Variants in OXR1 observed in about 807,000 individuals in gnomAD.
OXR1 encodes the protein oxidation resistance protein 1.
A neutral mutation model predicts 104.6 loss-of-function variants in OXR1; 41 were observed. That is an observed-to-expected ratio of 0.39 (90% CI 0.31 to 0.51). The LOEUF (loss-of-function observed/expected upper bound fraction) is 0.51, where lower values mean the gene tolerates loss of function less well. OXR1 is among the 20% of genes least tolerant of loss of function. The probability of loss-of-function intolerance (pLI) is 0.77; values close to 1 mark genes in which losing one functional copy is unlikely to be tolerated. For synonymous variants in OXR1, 348 were observed against 348.4 expected (o/e 1.00, Z 0.01); for missense variants, 955 against 1,031.9 (o/e 0.93, Z 1.02).
intron 11 of OXR1, among the ~76,000 whole-genome samples, chr8:106,718,637 A>G (rs1832506146): frequency 1.3e-5 from 2 of 151,936 alleles, no homozygotes; most frequent in Admixed American, 1.3e-4. Context: ...CAGGAGATCG[A>G]GACCATCCTG....
At chr8:106,709,221 T>C (rs1029900423) in intron 9 of OXR1, among the ~76,000 whole-genome samples, 1 of 152,192 alleles carries the variant, frequency 6.6e-6, no homozygotes, top group African/African-American at 2.4e-5. Context: ...TATGTGTTAA[T>C]TTGTTATTTA....
At chr8:106,561,131 T>C (rs1376367216) in intron 3 of OXR1, among the ~76,000 whole-genome samples, 2 of 151,716 alleles carry the variant, frequency 1.3e-5, no homozygotes, top group South Asian at 2.1e-4. Context: ...TTTTCATACC[T>C]CAGAGGCGCC....
At chr8:106,671,594 T>C (rs1424002068) in intron 3 of OXR1, among the ~76,000 whole-genome samples, 1 of 151,746 alleles carries the variant, frequency 6.6e-6, no homozygotes, top group Non-Finnish European at 1.5e-5. Flanking sequence ...ATAGACTGGA[T>C]TAAGAAAATG....
chr8:106,295,710 G>A (rs115323485), intron 1 of OXR1, among the ~76,000 whole-genome samples: 1,862 of 152,120 alleles, frequency 0.012, 39 homozygotes, highest in African/African-American at 0.042. Context: ...GTGAAGCTAC[G>A]GTGTTTTCCA....
intron 3 of OXR1, among the ~76,000 whole-genome samples, chr8:106,642,164 C>T (rs1377064139): frequency 6.6e-6 from 1 of 152,054 alleles, no homozygotes; most frequent in Non-Finnish European, 1.5e-5. Flanking sequence ...GGCTAAGGCA[C>T]ACAGGGATAC....
At chr8:106,702,370 G>A (rs2131353740) in intron 7 of OXR1, among the ~76,000 whole-genome samples, 1 of 152,260 alleles carries the variant, frequency 6.6e-6, no homozygotes, top group South Asian at 2.1e-4. Flanking sequence ...TAATTTTACA[G>A]ATGAAGAAAT....
At chr8:106,696,261 A>C (rs1830020923) in intron 7 of OXR1, among the ~76,000 whole-genome samples, 1 of 152,142 alleles carries the variant, frequency 6.6e-6, no homozygotes, top group African/African-American at 2.4e-5. Flanking sequence ...TTCACTTAGC[A>C]ATGTGTGTTT....
At chr8:106,694,506 A>ATATATATTTGATATATAAATATGTTTT in intron 7 of OXR1, among the ~76,000 whole-genome samples, 8 of 135,016 alleles carry the variant, frequency 5.9e-5, no homozygotes, top group African/African-American at 1.9e-4. Flanking sequence ...ATATGTTTTT[A>ATATATATTTGATATATAAATATGTTTT]TATATATTTG....
intron 2 of OXR1, among the ~76,000 whole-genome samples, chr8:106,436,522 CAA>C (rs11423598): frequency 2.5e-5 from 3 of 122,446 alleles, no homozygotes; most frequent in Non-Finnish European, 3.3e-5. Flanking sequence ...TGTGCCTATG[CAA>C]AAAAAAAAAA....
At chr8:106,450,807 T>G (rs1014641282) in intron 2 of OXR1, among the ~76,000 whole-genome samples, 1 of 152,088 alleles carries the variant, frequency 6.6e-6, no homozygotes, top group Non-Finnish European at 1.5e-5. Context: ...AAGCAAAGCT[T>G]TGGCACCGAT....
chr8:106,653,937 C>G (rs1422575406), intron 3 of OXR1, among the ~76,000 whole-genome samples: 1 of 151,936 alleles, frequency 6.6e-6, no homozygotes, highest in African/African-American at 2.4e-5. Context: ...TTTCTGTATA[C>G]TAGCAATGGC....
chr8:106,673,802 CATTT>C (rs1455716617), intron 3 of OXR1, among the ~76,000 whole-genome samples: 4 of 152,092 alleles, frequency 2.6e-5, no homozygotes, highest in African/African-American at 9.7e-5. Flanking sequence ...CAGCCCAGGC[CATTT>C]ATTTAGAGGA....
At chr8:106,625,728 C>T (rs10112678) in intron 3 of OXR1, among the ~76,000 whole-genome samples, 25,237 of 152,114 alleles carry the variant, frequency 0.17, 2,252 homozygotes, top group East Asian at 0.38. Context: ...ATCTTAGTCA[C>T]TAAGGTGTGT....
intron 14 of OXR1, among the ~76,000 whole-genome samples, chr8:106,740,899 C>T (rs1834866826): frequency 6.6e-6 from 1 of 152,014 alleles, no homozygotes; most frequent in Admixed American, 6.6e-5. Flanking sequence ...AGAACAAAAG[C>T]ACAAATAAGA....
At chr8:106,557,796 G>A (rs953168928) in intron 3 of OXR1, among the ~76,000 whole-genome samples, 3 of 152,152 alleles carry the variant, frequency 2.0e-5, no homozygotes. Context: ...ACACATGTTG[G>A]TAACAGAATT....
intron 3 of OXR1, among the ~76,000 whole-genome samples, chr8:106,602,969 A>G (rs1222777270): frequency 6.6e-6 from 1 of 152,114 alleles, no homozygotes; most frequent in Admixed American, 6.5e-5. Context: ...GATGATTTAT[A>G]TTTACATTCC....
At chr8:106,709,578 C>G (rs1018413615) in intron 9 of OXR1, among the ~76,000 whole-genome samples, 1 of 151,266 alleles carries the variant, frequency 6.6e-6, no homozygotes, top group African/African-American at 2.4e-5. Context: ...ATGTGGTGGA[C>G]CAATTTTGTT....
At chr8:106,428,650 T>C (rs2130556342) in intron 2 of OXR1, among the ~76,000 whole-genome samples, 1 of 150,658 alleles carries the variant, frequency 6.6e-6, no homozygotes, top group Non-Finnish European at 1.5e-5. Flanking sequence ...AAACTGTAAA[T>C]GACACTAGAC....
At chr8:106,617,679 A>G (rs1821357069) in intron 3 of OXR1, among the ~76,000 whole-genome samples, 1 of 152,236 alleles carries the variant, frequency 6.6e-6, no homozygotes, top group Non-Finnish European at 1.5e-5. Context: ...ACATATCTAT[A>G]AAGGTACAGA....
Sources: gnomAD v4.1 joint callset for allele counts (sites outside exome capture counted in the v4.1 genomes callset) on GRCh38, gnomAD v4.1.1 for gene constraint, MANE v1.5 for transcripts, NCBI Gene and HGNC (gene_info 2026-07-23, HGNC 2026-07-21) for gene names.